The following ABCG5 variants were observed in gnomAD, a reference collection of about 807,000 sequenced individuals.
ABCG5 encodes the protein ATP-binding cassette sub-family G member 5.
A neutral mutation model predicts 64.5 loss-of-function variants in ABCG5; 64 were observed. The observed-to-expected ratio is 0.99, with a 90% confidence interval of 0.81 to 1.22. The LOEUF (loss-of-function observed/expected upper bound fraction) is 1.22. ABCG5 is among the 50% of genes most tolerant of loss of function. The pLI, the probability that ABCG5 is intolerant of heterozygous loss-of-function variation, is 0.00. For missense variants in ABCG5, 908 were observed against 829.5 expected (o/e 1.09, Z -1.16); for synonymous variants, 385 against 326.3 (o/e 1.18, Z -1.94).
intron 2 of ABCG5, among the ~76,000 whole-genome samples, chr2:43,837,566 T>A (rs555666503): frequency 1.2e-4 from 18 of 152,198 alleles, no homozygotes; most frequent in African/African-American, 4.1e-4. Context: ...GAAATTGTGT[T>A]TCCTGAGTAC....
At chr2:43,806,341 G>C in the ABCG5 span, among the ~76,000 whole-genome samples, 1 of 152,194 alleles carries the variant, frequency 6.6e-6, no homozygotes, top group East Asian at 1.9e-4. Context: ...GTTGTTGCGA[G>C]GGTAACCTGA....
At chr2:43,826,574 T>C (rs751907999) in intron 5 of ABCG5, 53 bp from the exon 6 acceptor site, 57 of 1,612,512 alleles carry the variant, frequency 3.5e-5, no homozygotes, top group Non-Finnish European at 4.8e-5. Flanking sequence ...CCAGGCTCTG[T>C]GCTTAAAACT....
intron 4 of ABCG5, among the ~76,000 whole-genome samples, chr2:43,829,835 T>C (rs142612983): frequency 1.3e-5 from 2 of 152,294 alleles, no homozygotes; most frequent in African/African-American, 2.4e-5. Flanking sequence ...TGGACCAACA[T>C]TCAAGAGGAG....
intron 4 of ABCG5, among the ~76,000 whole-genome samples, chr2:43,829,447 C>T (rs955829721): frequency 7.2e-5 from 11 of 152,334 alleles, no homozygotes; most frequent in East Asian, 1.9e-4. Context: ...CAATTCTCTT[C>T]GCTGTACTTA....
rs1668416530 is a variant in ABCG5, at chr2:43,838,388, C to T, written c.143+149G>A. ...TCGCTCCATGTTTCCCAGCACAGCC[C>T]TTCTCCCTCTCCTCTCTCCACCCGA... is the stretch of plus-strand genomic sequence containing the variant. On this transcript the variant is annotated intron_variant, in intron 1 of 12. Transcript: ENST00000405322. The surrounding 1 kb of genome is among the most constrained non-coding windows in gnomAD (Gnocchi z 4.2). The T allele has an allele frequency of 1.3e-6, 1 of 752,856 alleles. No homozygotes were observed. Among genetic ancestry groups the T allele is most frequent in the South Asian group, 1.8e-5 (1 of 54,668 alleles). 46.6% of individuals were successfully genotyped at this position (752,856 alleles called of 1,614,324 possible).
chr2:43,824,854 A>G (rs184454421), intron 7 of ABCG5, 35 bp downstream of exon 7: 8 of 1,612,484 alleles, frequency 5.0e-6, no homozygotes, highest in Middle Eastern at 1.7e-4. Context: ...AGTTTAAAAA[A>G]CATTCATGAT....
Position 43,824,090 on chromosome 2 carries a change from T to C in ABCG5, c.1147A>G (p.Lys383Glu). ...AGGAGACGCGTAATCACTGCCAGCT[T>C]ATTTCTCACCAAGTTTCTTGTCACT... Reference protein sequence around the residue: ...RRVTRNLVRNKLAVITRLLQN... With the variant: ...RRVTRNLVRNELAVITRLLQN... The change falls in exon 9 of 13, where the codon AAG (lysine) becomes GAG (glutamate). Residue 383 changes from lysine to glutamate, a missense_variant. Physicochemically the swap from Lys to Glu is moderately conservative, Grantham distance 56 (BLOSUM62 1). Transcript: ENST00000405322. 6.2e-7 allele frequency: 1 copy of C among 1,614,194 alleles called. No individual in the cohort carries two copies. The highest frequency in any genetic ancestry group is 8.5e-7 in the Non-Finnish European group (1 of 1,180,042).
upstream of ABCG5, chr2:43,839,192 G>T (rs1668470339): frequency 1.4e-6 from 2 of 1,477,060 alleles, no homozygotes; most frequent in Non-Finnish European, 1.8e-6. Context: ...CTTCCCTCAG[G>T]AGCCTTCTGT....
chr2:43,830,610 A>T (rs531835896), intron 4 of ABCG5, among the ~76,000 whole-genome samples: 1 of 152,214 alleles, frequency 6.6e-6, no homozygotes, highest in African/African-American at 2.4e-5. Context: ...TGAATTACTT[A>T]TCAGGATTTT....
At chr2:43,810,300 T>G, downstream of ABCG5, 2 of 934,716 alleles carry the variant, frequency 2.1e-6, no homozygotes, top group Non-Finnish European at 2.6e-6. Context: ...TGGTCTGGAA[T>G]GGGGCATTTT....
downstream of ABCG5, among the ~76,000 whole-genome samples, chr2:43,812,107 G>A (rs117707287): frequency 1.2e-3 from 185 of 152,100 alleles, 3 homozygotes; most frequent in East Asian, 0.033. Flanking sequence ...CTGGAGTGCA[G>A]TGGTTCCATC....
intron 10 of ABCG5, chr2:43,822,483 C>CCG: frequency 1.1e-6 from 1 of 906,682 alleles, no homozygotes; most frequent in Non-Finnish European, 1.3e-6. Context: ...CCCAGGCCCC[C>CCG]CCCCATGCAC....
chr2:43,826,447 C>G lies in ABCG5; in HGVS notation c.709G>C (p.Glu237Gln), dbSNP rs1667609326. The G allele has an allele frequency of 6.2e-7, 1 of 1,614,014 alleles. No homozygotes were observed. The highest frequency in any genetic ancestry group is 1.3e-5 in the African/African-American group (1 of 74,912). ...TANQIVVLLVELARRNRIVVL... is the reference protein window; with the variant it reads ...TANQIVVLLVQLARRNRIVVL... ...ACAATTCGGTTCCTGCGAGCCAGTT[C>G]CACCAGGAGGACGACAATCTGATTA... The change falls in exon 6 of 13, where the codon GAA (glutamate) becomes CAA (glutamine). Residue 237 changes from glutamate to glutamine, a missense_variant. Glu to Gln is a conservative substitution (Grantham distance 29, BLOSUM62 2). Coordinates refer to ENST00000405322, the MANE Select transcript of ABCG5 (RefSeq NM_022436.3).
At chr2:43,824,849 A>G (rs192689305) in intron 7 of ABCG5, 40 bp downstream of exon 7, 22 of 1,611,246 alleles carry the variant, frequency 1.4e-5, no homozygotes, top group Admixed American at 5.0e-5. Flanking sequence ...GAGAAAGTTT[A>G]AAAAACATTC....
intron 12 of ABCG5, among the ~76,000 whole-genome samples, chr2:43,813,718 T>G (rs1666629516): frequency 3.2e-5 from 4 of 125,154 alleles, no homozygotes; most frequent in African/African-American, 9.6e-5. Flanking sequence ...CGTTTTTTTT[T>G]TTTTTTTTTT....
chr2:43,824,784 C>G, intron 7 of ABCG5, 105 bp downstream of exon 7: 1 of 1,552,254 alleles, frequency 6.4e-7, no homozygotes, highest in Non-Finnish European at 8.8e-7. Flanking sequence ...AACACAAAAA[C>G]AAAAGCAAAA....
chr2:43,838,321 T>A lies in ABCG5; in HGVS notation c.143+216A>T. ...CAGGGCACTGCTGCCACTTTGTTTA[T>A]GCCCAGGCCCTTCCCTGGGCAGGGG... On this transcript the variant is annotated intron_variant, in intron 1 of 12. Coordinates refer to ENST00000405322, the MANE Select transcript of ABCG5 (RefSeq NM_022436.3). This position sits in a 1 kb window ranked among gnomAD's most constrained non-coding sequence, Gnocchi z 4.2. The A allele has an allele frequency of 1.6e-6, 1 of 614,138 alleles. No homozygotes were observed. The allele number at this position is 614,138 out of a possible 1,614,324, so 38.0% of individuals were successfully genotyped here.
At chr2:43,837,110 A>G (rs1381268704) in intron 2 of ABCG5, among the ~76,000 whole-genome samples, 3 of 145,988 alleles carry the variant, frequency 2.1e-5, no homozygotes, top group Non-Finnish European at 4.5e-5. Context: ...TTTAAATATT[A>G]TTCTCCAGTC....
At chr2:43,835,082 C>A (rs1294935669) in intron 2 of ABCG5, among the ~76,000 whole-genome samples, 1 of 152,178 alleles carries the variant, frequency 6.6e-6, no homozygotes, top group Admixed American at 6.6e-5. Context: ...CAGTCCCTGC[C>A]CTTGTAGAAC....
Sources: allele counts gnomAD v4.1 joint callset (sites outside exome capture counted in the v4.1 genomes callset), GRCh38; gene constraint gnomAD v4.1.1; non-coding constraint Gnocchi (gnomAD v3.1); transcripts MANE v1.5; gene names NCBI Gene and HGNC (gene_info 2026-07-23, HGNC 2026-07-21).